Variants in TOB2 observed in about 807,000 individuals in gnomAD.
TOB2 encodes transducer of ERBB2, 2, also known as protein Tob2.
TOB2 carries 3 observed loss-of-function variants against 17.3 expected under a neutral mutation model. The observed-to-expected ratio is 0.17, with a 90% confidence interval of 0.08 to 0.45. The LOEUF is 0.45. Ranked by LOEUF, TOB2 falls within the 20% of genes least tolerant of loss-of-function variation. The pLI is 0.99. For missense variants in TOB2, 407 were observed against 445.7 expected, an observed-to-expected ratio of 0.91 and a Z score of 0.78; for synonymous variants, 163 against 185.6, an observed-to-expected ratio of 0.88 and a Z score of 0.99.
intron 1 of TOB2, among the ~76,000 whole-genome samples, chr22:41,444,865 A>G (rs542592448): frequency 6.6e-6 from 1 of 152,220 alleles, no homozygotes; most frequent in East Asian, 1.9e-4. Flanking sequence ...GCTGGCTTAG[A>G]TAAGGTCACG....
At chr22:41,438,630 C>CAAAAAGAAAAAAAA (rs2037580267) in intron 1 of TOB2, among the ~76,000 whole-genome samples, 1 of 12,680 alleles carries the variant, frequency 7.9e-5, no homozygotes, top group Non-Finnish European at 1.9e-4. Flanking sequence ...AACTCTGTCT[C>CAAAAAGAAAAAAAA]AAAAAAAAAA....
chr22:41,436,499 GGGTGCCGCTGCCCTGGCCATC>G lies in TOB2; in HGVS notation c.826_846del (p.Asp276_Thr282del). ...GCCCCACTGCCTCCAAACGGGCCTG[GGGTGCCGCTGCCCTGGCCATC>G]GGCCGCATCAAAGAAGAGGCTGGGT... On this transcript the variant is annotated inframe_deletion, in exon 2 of 2. Coordinates refer to ENST00000327492, the MANE Select transcript of TOB2 (RefSeq NM_016272.4). The surrounding 1 kb of genome is among the most constrained non-coding windows in gnomAD (Gnocchi z 4.8). 6.2e-7 allele frequency: 1 copy of G among 1,613,698 alleles called. No individual in the cohort carries two copies. The highest frequency in any genetic ancestry group is 8.5e-7 in the Non-Finnish European group (1 of 1,179,816).
Position 41,436,490 on chromosome 22 carries a change from A to G in TOB2, c.856T>C (p.Phe286Leu), listed in dbSNP as rs779595227. 3 of 1,613,868 alleles carry G rather than the reference A, an allele frequency of 1.9e-6. No individual in the cohort carries two copies. Among genetic ancestry groups the G allele is most frequent in the Non-Finnish European group, 2.5e-6 (3 of 1,179,910 alleles). The change falls in exon 2 of 2, where the codon TTT (phenylalanine) becomes CTT (leucine). Residue 286 changes from phenylalanine (F) to leucine (L), a missense_variant. Physicochemically the swap from Phe to Leu is conservative, Grantham distance 22. Transcript: ENST00000327492. The surrounding 1 kb of genome is among the most constrained non-coding windows in gnomAD (Gnocchi z 4.8). ...DGQGSGTPGP[F>L]GGSGAGTCNS... ...CAGGTGCCAGCCCCACTGCCTCCAA[A>G]CGGGCCTGGGGTGCCGCTGCCCTGG...
chr22:41,436,607 G>C lies in TOB2; in HGVS notation c.739C>G (p.Pro247Ala), dbSNP rs1412082080. 1 of 1,612,996 alleles carries C rather than the reference G, an allele frequency of 6.2e-7. No homozygotes were observed. The highest frequency in any genetic ancestry group is 2.2e-5 in the East Asian group (1 of 44,846). ...MHSLNFITAN[P>A]APQSQLSPNA... The stretch of plus-strand genomic sequence containing the variant: ...GGTGAGAGCTGGGACTGAGGGGCCG[G>C]GTTGGCCGTGATGAAGTTCAGTGAA... The change falls in exon 2 of 2, where the codon CCG (proline) becomes GCG (alanine). Residue 247 changes from proline to alanine, a missense_variant. Physicochemically the swap from Pro to Ala is conservative, Grantham distance 27 (BLOSUM62 -1). Transcript: ENST00000327492. This position sits in a 1 kb window ranked among gnomAD's most constrained non-coding sequence, Gnocchi z 4.8.
At chr22:41,445,310 C>A (rs1416656808) in intron 1 of TOB2, among the ~76,000 whole-genome samples, 1 of 152,228 alleles carries the variant, frequency 6.6e-6, no homozygotes, top group African/African-American at 2.4e-5. Context: ...TCGGCAAGCT[C>A]CCCCGCTGGG....
chr22:41,438,049 G>A (rs1033632487), intron 1 of TOB2, among the ~76,000 whole-genome samples: 1 of 149,332 alleles, frequency 6.7e-6, no homozygotes, highest in African/African-American at 2.5e-5. Context: ...TCAGGTCACT[G>A]TATGAATGAC....
chr22:41,440,109 T>C (rs2037596933), intron 1 of TOB2, among the ~76,000 whole-genome samples: 1 of 64,156 alleles, frequency 1.6e-5, no homozygotes. Flanking sequence ...TATTTTTTTC[T>C]TTTTCTTTCT....
At chr22:41,441,731 G>A (rs954478868) in intron 1 of TOB2, among the ~76,000 whole-genome samples, 3 of 151,980 alleles carry the variant, frequency 2.0e-5, no homozygotes, top group African/African-American at 7.3e-5. Flanking sequence ...GACCAACATG[G>A]TGAAACCCCG....
chr22:41,444,389 T>A (rs958781874), intron 1 of TOB2, among the ~76,000 whole-genome samples: 2 of 152,118 alleles, frequency 1.3e-5, no homozygotes. Context: ...GGGCACTCCA[T>A]GTTCCTCAGG....
chr22:41,433,909 C>CT lies in TOB2; in HGVS notation c.*2401dup, dbSNP rs1224593463. ...GGGGAGAAAAGGTTTTATTTCTCCT[C>CT]TTTTTTTTTTAAAGTTTGTTTTTCC... is the stretch of plus-strand genomic sequence containing the variant. On this transcript the variant is annotated 3_prime_UTR_variant, in exon 2 of 2. Transcript: ENST00000327492. 8.9e-3 allele frequency: 1,858 copies of CT among 208,018 alleles called. 1 individual carries two copies. The highest frequency in any genetic ancestry group is 0.018 in the South Asian group (289 of 15,714). The allele number at this position is 208,018 out of a possible 1,614,324, so 12.9% of individuals were successfully genotyped here. A position where few individuals can be genotyped will look rare whatever the true frequency, so the allele number is the denominator to read the frequency against.
chr22:41,441,004 C>T (rs1236195658), intron 1 of TOB2, among the ~76,000 whole-genome samples: 1 of 151,992 alleles, frequency 6.6e-6, no homozygotes, highest in Admixed American at 6.6e-5. Context: ...AATTTCAGGG[C>T]TTTTTTGGGT....
Position 41,435,203 on chromosome 22 carries a change from G to A in TOB2, c.*1108C>T, listed in dbSNP as rs942703768. 3 of 152,148 alleles carry A rather than the reference G, an allele frequency of 2.0e-5. No individual in the cohort carries two copies. The highest frequency in any genetic ancestry group is 4.4e-5 in the Non-Finnish European group (3 of 68,034). The allele number at this position is 152,148 out of a possible 1,614,324, so 9.4% of individuals were successfully genotyped here. A position where few individuals can be genotyped will look rare whatever the true frequency, so the allele number is the denominator to read the frequency against. The stretch of plus-strand genomic sequence containing the variant: ...TTGGGTATTCCCTCTGCCCTTCAGA[G>A]CTAACTTATTATTATTTTTTTGGTC... On this transcript the variant is annotated 3_prime_UTR_variant, in exon 2 of 2. Transcript: ENST00000327492.
intron 1 of TOB2, among the ~76,000 whole-genome samples, chr22:41,437,754 A>G (rs1468403889): frequency 1.3e-5 from 2 of 151,840 alleles, no homozygotes; most frequent in Non-Finnish European, 2.9e-5. Flanking sequence ...AATCAAGACC[A>G]TCCTGGCCAA....
At chr22:41,445,982 C>T (rs1006228702) in intron 1 of TOB2, among the ~76,000 whole-genome samples, 4 of 152,154 alleles carry the variant, frequency 2.6e-5, no homozygotes, top group Admixed American at 6.5e-5. Context: ...AAAAACAAGG[C>T]CTGGATCCCC....
At chr22:41,441,420 C>T (rs183712807) in intron 1 of TOB2, among the ~76,000 whole-genome samples, 2 of 152,264 alleles carry the variant, frequency 1.3e-5, no homozygotes, top group East Asian at 1.9e-4. Flanking sequence ...CATGAGCCTT[C>T]TCTCAGGAAC....
At chr22:41,440,420 TTTTC>T (rs1178750359) in intron 1 of TOB2, among the ~76,000 whole-genome samples, 1 of 151,642 alleles carries the variant, frequency 6.6e-6, no homozygotes, top group African/African-American at 2.4e-5. Flanking sequence ...CCTGGCCTCT[TTTTC>T]TTTTTTTGAG....
chr22:41,442,241 C>T (rs971555206), intron 1 of TOB2, among the ~76,000 whole-genome samples: 36 of 152,150 alleles, frequency 2.4e-4, no homozygotes, highest in Non-Finnish European at 2.9e-5. Context: ...TCCCAAGGTA[C>T]TGCATGGCCT....
In TOB2 at chr22:41,436,120, G is replaced by T; in HGVS notation, c.*191C>A. 2 of 586,858 alleles carry T rather than the reference G, an allele frequency of 3.4e-6. No homozygotes were observed. Among genetic ancestry groups the T allele is most frequent in the Non-Finnish European group, 5.4e-6 (2 of 370,936 alleles). The allele number at this position is 586,858 out of a possible 1,614,324, so 36.4% of individuals were successfully genotyped here. On this transcript the variant is annotated 3_prime_UTR_variant, in exon 2 of 2. Coordinates refer to ENST00000327492, the MANE Select transcript of TOB2 (RefSeq NM_016272.4). The surrounding 1 kb of genome is among the most constrained non-coding windows in gnomAD (Gnocchi z 4.8). ...CACAGGCCGGTGGGCGAGCGGTAAG[G>T]GGTGAGTGAAACACACTTGGGTGCT...
At chr22:41,439,191 G>A (rs999280883) in intron 1 of TOB2, among the ~76,000 whole-genome samples, 2 of 152,208 alleles carry the variant, frequency 1.3e-5, no homozygotes, top group South Asian at 2.1e-4. Context: ...TCTCTGAGAG[G>A]AGGCAGAGCC....
Sources: gnomAD v4.1 joint callset for allele counts (sites outside exome capture counted in the v4.1 genomes callset) on GRCh38, gnomAD v4.1.1 for gene constraint, Gnocchi (gnomAD v3.1) non-coding constraint, MANE v1.5 for transcripts, NCBI Gene and HGNC (gene_info 2026-07-23, HGNC 2026-07-21) for gene names.